Variants in DGLUCY observed in about 807,000 individuals in gnomAD.
DGLUCY encodes the protein D-glutamate cyclase, mitochondrial.
A neutral mutation model predicts 58.5 loss-of-function variants in DGLUCY; 58 were observed. The ratio of observed to expected loss-of-function variants is 0.99; its 90% CI spans 0.80 to 1.23. The LOEUF (loss-of-function observed/expected upper bound fraction) is 1.23. DGLUCY is among the 50% of genes most tolerant of loss of function. The pLI is 0.00. For missense variants in DGLUCY, 779 were observed against 784.7 expected (o/e 0.99, Z 0.09); for synonymous variants, 325 against 314.1 (o/e 1.03, Z -0.37).
At chr14:91,069,547 T>C (rs2043881118) in intron 1 of DGLUCY, among the ~76,000 whole-genome samples, 1 of 152,238 alleles carries the variant, frequency 6.6e-6, no homozygotes, top group Admixed American at 6.5e-5. Flanking sequence ...CCCAAAGTGC[T>C]GGGATTACAG....
intron 3 of DGLUCY, among the ~76,000 whole-genome samples, chr14:91,166,625 A>G (rs550944453): frequency 1.8e-4 from 28 of 152,132 alleles, no homozygotes; most frequent in Middle Eastern, 3.4e-3. Flanking sequence ...AGATCAAGCC[A>G]GTGCACTCCA....
chr14:91,131,369 C>A (rs2046014294), intron 1 of DGLUCY, among the ~76,000 whole-genome samples: 1 of 134,388 alleles, frequency 7.4e-6, no homozygotes, highest in Non-Finnish European at 1.6e-5. Flanking sequence ...AAACCTTTCC[C>A]AACTTGAGAT....
chr14:91,204,659 CA>C (rs3215647), intron 11 of DGLUCY, 46 bp from the exon 12 acceptor site: 72,808 of 1,598,170 alleles, frequency 0.046, 2,176 homozygotes, highest in South Asian at 0.11. Flanking sequence ...AGGCCTCCCC[CA>C]TTTTGCCCTG....
At chr14:91,084,633 A>G (rs1566934708) in intron 1 of DGLUCY, among the ~76,000 whole-genome samples, 1 of 152,080 alleles carries the variant, frequency 6.6e-6, no homozygotes, top group African/African-American at 2.4e-5. Context: ...CCTGTCACCA[A>G]ATGTTCCTCC....
At chr14:91,141,217 C>G (rs1478770469) in intron 1 of DGLUCY, among the ~76,000 whole-genome samples, 1 of 151,910 alleles carries the variant, frequency 6.6e-6, no homozygotes, top group African/African-American at 2.4e-5. Flanking sequence ...GAATCCCTGT[C>G]TCTACTAAAA....
At chr14:91,221,214 A>AAG (rs1239267008) in intron 13 of DGLUCY, among the ~76,000 whole-genome samples, 1 of 152,240 alleles carries the variant, frequency 6.6e-6, no homozygotes, top group Non-Finnish European at 1.5e-5. Context: ...GGGGAAACAG[A>AAG]AGAGGACCCT....
Position 91,204,821 on chromosome 14 carries a change from T to G in DGLUCY, c.1560T>G (p.Ile520Met). ...ACGTGGAGGCTGACTTTGCCGTCAT[T>G]GCTGGTGAGCACTCGGATGGCCGCC... is the stretch of plus-strand genomic sequence containing the variant. ...ACDVEADFAV[I>M]AGVSNWGGYA... Residue 520 changes from isoleucine (I) to methionine (M), a missense_variant, in exon 12 of 14, where the codon ATT becomes ATG. Transcript: ENST00000256324. 6.2e-7 allele frequency: 1 copy of G among 1,614,070 alleles called. No individual in the cohort carries two copies. Among genetic ancestry groups the G allele is most frequent in the Non-Finnish European group, 8.5e-7 (1 of 1,179,972 alleles).
At chr14:91,162,268 AG>A (rs1173934375) in intron 3 of DGLUCY, among the ~76,000 whole-genome samples, 4 of 152,138 alleles carry the variant, frequency 2.6e-5, no homozygotes, top group African/African-American at 9.7e-5. Context: ...GAAATGTTAA[AG>A]GGTGTTTTTT....
intron 13 of DGLUCY, chr14:91,223,907 C>A: frequency 3.5e-6 from 1 of 289,594 alleles, no homozygotes; most frequent in African/African-American, 2.2e-5. Flanking sequence ...AAAATTCCTG[C>A]CAGGAAAGAC....
chr14:91,173,537 G>A, intron 6 of DGLUCY, 98 bp downstream of exon 6: 1 of 1,419,714 alleles, frequency 7.0e-7, no homozygotes, highest in Non-Finnish European at 9.3e-7. Context: ...GTTCACATCG[G>A]CGACCCAGGT....
At chr14:91,108,524 T>TGC in intron 1 of DGLUCY, among the ~76,000 whole-genome samples, 1 of 40,498 alleles carries the variant, frequency 2.5e-5, no homozygotes, top group Non-Finnish European at 6.3e-5. Flanking sequence ...TGTGTGTGTG[T>TGC]GTGAGAGAGA....
At chr14:91,138,988 T>C (rs1290780884) in intron 1 of DGLUCY, among the ~76,000 whole-genome samples, 3 of 152,232 alleles carry the variant, frequency 2.0e-5, no homozygotes. Context: ...CACATGCATC[T>C]CTGTTTCTAT....
At chr14:91,127,018 A>G (rs1430269313) in intron 1 of DGLUCY, among the ~76,000 whole-genome samples, 2 of 142,128 alleles carry the variant, frequency 1.4e-5, no homozygotes, top group African/African-American at 5.2e-5. Context: ...AAGCTGGCCG[A>G]TGTACATTCT....
intron 9 of DGLUCY, among the ~76,000 whole-genome samples, chr14:91,193,009 G>A (rs1053848870): frequency 1.3e-5 from 2 of 152,262 alleles, no homozygotes; most frequent in East Asian, 3.9e-4. Context: ...CTGTTGGCGT[G>A]TTGGTGGGCT....
At chr14:91,166,631 C>T (rs1218618689) in intron 3 of DGLUCY, among the ~76,000 whole-genome samples, 1 of 151,720 alleles carries the variant, frequency 6.6e-6, no homozygotes, top group Non-Finnish European at 1.5e-5. Flanking sequence ...AGCCAGTGCA[C>T]TCCAGCCTGG....
intron 1 of DGLUCY, among the ~76,000 whole-genome samples, chr14:91,080,562 G>A (rs2044106959): frequency 6.6e-6 from 1 of 151,976 alleles, no homozygotes; most frequent in African/African-American, 2.4e-5. Context: ...GGAGAGACGG[G>A]GTTTCACCAT....
At chr14:91,158,737 G>A (rs533306459) in intron 2 of DGLUCY, 1 of 152,174 alleles carries the variant, frequency 6.6e-6, no homozygotes, top group African/African-American at 2.4e-5. Flanking sequence ...CTAGGCACTG[G>A]GTATATTTGG....
chr14:91,189,220 C>T (rs1465297683), intron 9 of DGLUCY, 50 bp downstream of exon 9: 9 of 1,604,150 alleles, frequency 5.6e-6, no homozygotes, highest in African/African-American at 1.3e-5. Flanking sequence ...GCTTTGTGGA[C>T]GGAGGCTGGA....
chr14:91,136,241 A>AT (rs2046332703), intron 1 of DGLUCY, among the ~76,000 whole-genome samples: 1 of 151,874 alleles, frequency 6.6e-6, no homozygotes, highest in South Asian at 2.1e-4. Context: ...CCACATTAGC[A>AT]TTTTTTATAC....
Sources: allele counts gnomAD v4.1 joint callset (sites outside exome capture counted in the v4.1 genomes callset), GRCh38; gene constraint gnomAD v4.1.1; transcripts MANE v1.5; gene names NCBI Gene and HGNC (gene_info 2026-07-23, HGNC 2026-07-21).